Variants in PDE6C observed in about 807,000 individuals in gnomAD.
PDE6C encodes phosphodiesterase 6C.
In PDE6C, 75 loss-of-function variants were observed where a neutral mutation model predicts 113.1. That is an observed-to-expected ratio of 0.66 (90% confidence interval 0.55 to 0.80). The LOEUF is 0.80. Ranked by LOEUF, PDE6C falls within the 30% of genes least tolerant of loss-of-function variation. The pLI, the probability that PDE6C is intolerant of heterozygous loss-of-function variation, is 0.00. For synonymous variants in PDE6C, 375 were observed against 363.7 expected (o/e 1.03, Z -0.35); for missense variants, 912 against 1,038.6 (o/e 0.88, Z 1.67).
At chr10:93,631,077 C>G (rs1447772410) in intron 8 of PDE6C, among the ~76,000 whole-genome samples, 1 of 152,180 alleles carries the variant, frequency 6.6e-6, no homozygotes, top group Non-Finnish European at 1.5e-5. Flanking sequence ...AAATGTGAGG[C>G]CCTTTGCTTT....
rs2058687373 is a variant in PDE6C at position 93,665,846 on chromosome 10, A to C, written c.*428A>C. 23 of 253,386 alleles carry C rather than the reference A, an allele frequency of 9.1e-5. No homozygotes were observed. In the South Asian group the frequency reaches 1.0e-3, roughly 11 times the overall value. 15.7% of individuals were successfully genotyped at this position (253,386 alleles called of 1,614,324 possible). A position where few individuals can be genotyped will look rare whatever the true frequency, so the allele number is the denominator to read the frequency against. On this transcript the variant is annotated 3_prime_UTR_variant, in exon 22 of 22. Transcript: ENST00000371447. ...GGTTGGTTTCTTGGGAGGCCTCTCA[A>C]CTTGGTTTGCAGATGGCCATCTTCT...
chr10:93,661,988 A>G (rs2058668024), intron 18 of PDE6C, 71 bp from the exon 19 acceptor site: 2 of 911,788 alleles, frequency 2.2e-6, no homozygotes, highest in African/African-American at 1.6e-5. Flanking sequence ...CTTAAATGTC[A>G]CTTGTACTAA....
At position 93,613,196 on chromosome 10, in the gene PDE6C, T is replaced by G. The variant is rs76999928; in HGVS notation, c.471T>G (p.Asp157Glu). 5,987 of 1,613,598 alleles carry G rather than the reference T, an allele frequency of 3.7e-3. 166 individuals carry two copies. In the East Asian group the frequency reaches 0.048, roughly 13 times the overall value. Reference protein sequence around the residue: ...AHTKKTHNVPDVKKNSHFSDF... With the variant: ...AHTKKTHNVPEVKKNSHFSDF... Reference sequence around the variant, plus strand: ...CGAAGAAAACTCATAATGTCCCAGATGTGAAAAAGGTAGGTGGCCTTATGA... The same window carrying G: ...CGAAGAAAACTCATAATGTCCCAGAGGTGAAAAAGGTAGGTGGCCTTATGA... Residue 157 changes from aspartate (D) to glutamate (E), a missense_variant, in exon 1 of 22, where the codon GAT (aspartate) becomes GAG (glutamate). Physicochemically the swap from Asp to Glu is conservative, Grantham distance 45. Coordinates refer to ENST00000371447, the MANE Select transcript of PDE6C (RefSeq NM_006204.4).
At chr10:93,635,017 G>A in intron 9 of PDE6C, 110 bp downstream of exon 9, 1 of 1,110,116 alleles carries the variant, frequency 9.0e-7, no homozygotes, top group Non-Finnish European at 1.4e-6. Flanking sequence ...TAAGACATGA[G>A]TCACACATAG....
At chr10:93,653,955 T>C (rs905399882) in intron 15 of PDE6C, among the ~76,000 whole-genome samples, 2 of 152,230 alleles carry the variant, frequency 1.3e-5, no homozygotes, top group African/African-American at 2.4e-5. Context: ...TGAGTTCTTG[T>C]CCAATTATTG....
rs754009651 is a variant in PDE6C at position 93,640,964 on chromosome 10, C to T, written c.1782C>T (p.Ala594=). 1.9e-6 allele frequency: 3 copies of T among 1,613,294 alleles called. No homozygotes were observed. The highest frequency in any genetic ancestry group is 2.2e-5 in the South Asian group (2 of 91,068). ...KKYYTDLEAF[A]MLAAAFCHDI... ...ACTACACAGATCTCGAAGCCTTTGC[C>T]ATGCTTGCTGCTGCTTTCTGCCATG... The change falls in exon 14 of 22, where the codon GCC becomes GCT. Residue 594 remains alanine, a synonymous_variant. Transcript: ENST00000371447.
At chr10:93,664,007 A>G (rs1197937721) in intron 21 of PDE6C, among the ~76,000 whole-genome samples, 1 of 152,226 alleles carries the variant, frequency 6.6e-6, no homozygotes, top group Non-Finnish European at 1.5e-5. Context: ...AATAATTCAT[A>G]GGAGAAAATA....
Position 93,665,639 on chromosome 10 carries a change from ATTTAT to A in PDE6C, c.*226_*230del. On this transcript the variant is annotated 3_prime_UTR_variant, in exon 22 of 22. Transcript: ENST00000371447. ...AAAAATAGGTACATTTTTGGTGCCAATTTATTTTAAATTAAAAAATATGCAATCCT... is the reference window on the plus strand; with the variant it reads ...AAAAATAGGTACATTTTTGGTGCCAATTTAAATTAAAAAATATGCAATCCT... 1.8e-6 allele frequency: 1 copy of A among 541,604 alleles called. No homozygotes were observed. Among genetic ancestry groups the A allele is most frequent in the Non-Finnish European group, 3.3e-6 (1 of 303,896 alleles). The allele number at this position is 541,604 out of a possible 1,614,324, so 33.5% of individuals were successfully genotyped here. A position where few individuals can be genotyped will look rare whatever the true frequency, so the allele number is the denominator to read the frequency against.
At chr10:93,665,198 T>C (rs2058684696) in intron 21 of PDE6C, among the ~76,000 whole-genome samples, 162 bp from the exon 22 acceptor site, 1 of 152,198 alleles carries the variant, frequency 6.6e-6, no homozygotes, top group South Asian at 2.1e-4. Flanking sequence ...GGACCAACTC[T>C]GAATATTAAT....
chr10:93,657,420 G>A (rs185710425), intron 16 of PDE6C, among the ~76,000 whole-genome samples: 8 of 139,442 alleles, frequency 5.7e-5, no homozygotes, highest in Admixed American at 5.7e-4. Flanking sequence ...TCCTGACCTC[G>A]TGATCCACCC....
chr10:93,614,628 T>C (rs1037276916), intron 1 of PDE6C, among the ~76,000 whole-genome samples: 3 of 152,170 alleles, frequency 2.0e-5, no homozygotes, highest in Non-Finnish European at 4.4e-5. Flanking sequence ...AAAAGTGACA[T>C]TCAGCAATTT....
chr10:93,649,094 G>A lies in PDE6C; in HGVS notation c.1935+3047G>A, dbSNP rs76433341. 2.9e-3 allele frequency among the ~76,000 whole-genome samples: 448 copies of A among 152,242 alleles called. 2 individuals carry two copies. Among genetic ancestry groups the A allele is most frequent in the African/African-American group, 0.01 (423 of 41,556 alleles). On this transcript the variant is annotated intron_variant, in intron 15 of 21. Coordinates refer to ENST00000371447, the MANE Select transcript of PDE6C (RefSeq NM_006204.4). ...GAATGAATTAAAGCCATTTCTACCT[G>A]TTTGGGGTGTGCTATGCAGAATTCA... is the stretch of plus-strand genomic sequence containing the variant.
intron 1 of PDE6C, among the ~76,000 whole-genome samples, chr10:93,613,705 A>G (rs936446405): frequency 6.6e-6 from 1 of 152,224 alleles, no homozygotes; most frequent in Non-Finnish European, 1.5e-5. Context: ...CAATTCTTTC[A>G]TCTATCGACC....
chr10:93,634,181 C>T (rs1348868939), intron 8 of PDE6C, among the ~76,000 whole-genome samples: 1 of 152,212 alleles, frequency 6.6e-6, no homozygotes, highest in Non-Finnish European at 1.5e-5. Flanking sequence ...CACCATCACG[C>T]CTGGCTAATT....
At chr10:93,637,541 T>G (rs776001143) in intron 11 of PDE6C, among the ~76,000 whole-genome samples, 3 of 152,234 alleles carry the variant, frequency 2.0e-5, no homozygotes, top group Admixed American at 6.5e-5. Flanking sequence ...GAAATTAACT[T>G]TCCCACTTCA....
chr10:93,615,089 C>T (rs574202070), intron 1 of PDE6C, among the ~76,000 whole-genome samples: 2 of 152,216 alleles, frequency 1.3e-5, no homozygotes, highest in South Asian at 2.1e-4. Context: ...CCCAGGAGTT[C>T]GAGACCAGGC....
rs749153474 is a variant in PDE6C, at chr10:93,640,265, T to G, written c.1629+49T>G. 20 of 1,541,238 alleles carry G rather than the reference T, an allele frequency of 1.3e-5. No homozygotes were observed. The African/African-American group carries it at 2.4e-4, about 19-fold the overall frequency. On this transcript the variant is annotated intron_variant, in intron 12 of 21. Coordinates refer to ENST00000371447, the MANE Select transcript of PDE6C (RefSeq NM_006204.4). The stretch of plus-strand genomic sequence containing the variant: ...TACTGTGTGATTCTGTGGCTCTGCT[T>G]CACTGATGTTTTCTGTGGTTCAAAA...
In PDE6C at chr10:93,656,887, A is replaced by G. The variant is rs893303806; in HGVS notation, c.2036+1027A>G. The stretch of plus-strand genomic sequence containing the variant: ...CTGGGCCTGAATATTTAATTATTAA[A>G]TAGTTCAATGTGAAGACAAATACTA... On this transcript the variant is annotated intron_variant, in intron 16 of 21. Transcript: ENST00000371447. Among the ~76,000 whole-genome samples the G allele has an allele frequency of 3.3e-5, 5 of 152,262 alleles. No homozygotes were observed. The East Asian group carries it at 7.7e-4, about 23-fold the overall frequency.
At position 93,626,715 on chromosome 10, in the gene PDE6C, G is replaced by A. The variant is rs1362749788; in HGVS notation, c.1004+11G>A. 2 of 1,602,588 alleles carry A rather than the reference G, an allele frequency of 1.2e-6. No homozygotes were observed. The highest frequency in any genetic ancestry group is 1.1e-5 in the South Asian group (1 of 90,838). On this transcript the variant is annotated intron_variant, in intron 6 of 21. Transcript: ENST00000371447. The stretch of plus-strand genomic sequence containing the variant: ...GATCAAAGTGATTCCGTGAGTATTG[G>A]CAGGAAGTTGCTGCCGCAGTTGCCG...
Sources: allele counts gnomAD v4.1 joint callset (sites outside exome capture counted in the v4.1 genomes callset), GRCh38; gene constraint gnomAD v4.1.1; transcripts MANE v1.5; gene names NCBI Gene and HGNC (gene_info 2026-07-23, HGNC 2026-07-21).